The following SORL1 variants were observed in gnomAD, a reference collection of about 807,000 sequenced individuals.
SORL1 encodes the protein sortilin related receptor 1, also known as sortilin-related receptor.
SORL1 carries 127 observed loss-of-function variants against 273.7 expected under a neutral mutation model. That is an observed-to-expected ratio of 0.46 (90% CI 0.40 to 0.54). The LOEUF (loss-of-function observed/expected upper bound fraction) is 0.54, where lower values mean the gene tolerates loss of function less well. Ranked by LOEUF, SORL1 falls within the 20% of genes least tolerant of loss-of-function variation. SORL1 has a pLI of 0.00. For missense variants in SORL1, 2,494 were observed against 2,846.1 expected, an observed-to-expected ratio of 0.88 and a Z score of 2.81; for synonymous variants, 1,031 against 1,067.4, an observed-to-expected ratio of 0.97 and a Z score of 0.66.
intron 3 of SORL1, among the ~76,000 whole-genome samples, chr11:121,486,056 G>C (rs1026650830): frequency 6.6e-6 from 1 of 152,186 alleles, no homozygotes; most frequent in African/African-American, 2.4e-5. Flanking sequence ...CCACACCGAG[G>C]CTGTGGCACT....
chr11:121,467,155 G>A (rs950547989), intron 1 of SORL1, among the ~76,000 whole-genome samples: 26 of 150,708 alleles, frequency 1.7e-4, no homozygotes, highest in Non-Finnish European at 1.5e-4. Context: ...TCAGCCTGCC[G>A]AGTAGCTGGG....
At chr11:121,620,530 T>C (rs1863708006) in intron 43 of SORL1, among the ~76,000 whole-genome samples, 1 of 152,152 alleles carries the variant, frequency 6.6e-6, no homozygotes, top group Non-Finnish European at 1.5e-5. Context: ...TTAAAATGCT[T>C]GGTTGCTAAT....
rs1312797326 is a variant in SORL1, at chr11:121,632,117, C to G, written c.*2554C>G. 2 of 152,194 alleles carry G rather than the reference C, an allele frequency of 1.3e-5. No individual in the cohort carries two copies. 9.4% of individuals were successfully genotyped at this position (152,194 alleles called of 1,614,324 possible). A position where few individuals can be genotyped will look rare whatever the true frequency, so the allele number is the denominator to read the frequency against. On this transcript the variant is annotated 3_prime_UTR_variant, in exon 48 of 48. Transcript: ENST00000260197. The stretch of plus-strand genomic sequence containing the variant: ...TTTTGTACCTTGTTGGAGATGCCAC[C>G]TCAGAAGTTCACACTGTGCAGGAAA...
intron 1 of SORL1, among the ~76,000 whole-genome samples, chr11:121,459,687 C>T (rs1421274943): frequency 9.2e-5 from 14 of 152,224 alleles, no homozygotes. Context: ...AGCGCAGACC[C>T]TGCACGTTCT....
rs1862884931 is a variant in SORL1, at chr11:121,573,919, G to A, written c.3338-322G>A. Among the ~76,000 whole-genome samples the A allele has an allele frequency of 2.0e-5, 3 of 152,146 alleles. No individual in the cohort carries two copies. In the South Asian group the frequency reaches 6.2e-4, roughly 31 times the overall value. Reference sequence around the variant, plus strand: ...AAAGGTATTTCTGTCACTTATTTAGGAAGACACTTTTCGCGTCTGAAGGGA... The same window carrying A: ...AAAGGTATTTCTGTCACTTATTTAGAAAGACACTTTTCGCGTCTGAAGGGA... On this transcript the variant is annotated intron_variant, in intron 23 of 47. Coordinates refer to ENST00000260197, the MANE Select transcript of SORL1 (RefSeq NM_003105.6).
At chr11:121,544,413 A>T (rs1158977457) in intron 13 of SORL1, among the ~76,000 whole-genome samples, 1 of 152,214 alleles carries the variant, frequency 6.6e-6, no homozygotes, top group Non-Finnish European at 1.5e-5. Flanking sequence ...AAGTGTATGC[A>T]TAACTTTGTG....
intron 6 of SORL1, among the ~76,000 whole-genome samples, chr11:121,511,390 A>G (rs1861875424): frequency 6.6e-6 from 1 of 152,208 alleles, no homozygotes; most frequent in Admixed American, 6.5e-5. Context: ...AAAAATGTAT[A>G]TTTCATTGAT....
chr11:121,632,455 C>G lies in SORL1; in HGVS notation c.*2892C>G, dbSNP rs1031962580. 3.3e-5 allele frequency: 5 copies of G among 152,010 alleles called. No homozygotes were observed. Among genetic ancestry groups the G allele is most frequent in the African/African-American group, 1.2e-4 (5 of 41,368 alleles). 9.4% of individuals were successfully genotyped at this position (152,010 alleles called of 1,614,324 possible). A position where few individuals can be genotyped will look rare whatever the true frequency, so the allele number is the denominator to read the frequency against. On this transcript the variant is annotated 3_prime_UTR_variant, in exon 48 of 48. Coordinates refer to ENST00000260197, the MANE Select transcript of SORL1 (RefSeq NM_003105.6). ...ACAAGCTGGGTAAATAGTTATCATT[C>G]TGGGTAACTGGTTGAAACTCTGACT...
At position 121,625,207 on chromosome 11, in the gene SORL1, A is replaced by G. The variant is rs961628050; in HGVS notation, c.6294A>G (p.Gln2098=). The change falls in exon 46 of 48, where the codon CAA becomes CAG. Residue 2098 remains glutamine (Q), a synonymous_variant. Coordinates refer to ENST00000260197, the MANE Select transcript of SORL1 (RefSeq NM_003105.6). ...KMGHNYTFTV[Q]ARCLFGNQIC... ...GTCATAATTACACGTTCACCGTCCA[A>G]GCAAGATGCCTTTTTGGCAACCAGA... 15 of 1,614,162 alleles carry G rather than the reference A, an allele frequency of 9.3e-6. No individual in the cohort carries two copies. The highest frequency in any genetic ancestry group is 1.7e-5 in the Admixed American group (1 of 60,026).
Position 121,462,218 on chromosome 11 carries a change from C to T in SORL1, c.286-7789C>T, listed in dbSNP as rs1861010873. On this transcript the variant is annotated intron_variant, in intron 1 of 47. Coordinates refer to ENST00000260197, the MANE Select transcript of SORL1 (RefSeq NM_003105.6). ...TTTTGCAGTACTTTTTTTTCTCCAC[C>T]TTTAAAACCTGGAGATCTCACATAA... is the stretch of plus-strand genomic sequence containing the variant. Among the ~76,000 whole-genome samples the T allele has an allele frequency of 2.0e-5, 3 of 152,090 alleles. No homozygotes were observed. The South Asian group carries it at 6.2e-4, about 32-fold the overall frequency.
rs1036657671 is a variant in SORL1, at chr11:121,596,251, C to T, written c.4519+479C>T. Among the ~76,000 whole-genome samples, 8 of 152,080 alleles carry T rather than the reference C, an allele frequency of 5.3e-5. No homozygotes were observed. The highest frequency in any genetic ancestry group is 1.4e-4 in the African/African-American group (6 of 41,398). On this transcript the variant is annotated intron_variant, in intron 32 of 47. Coordinates refer to ENST00000260197, the MANE Select transcript of SORL1 (RefSeq NM_003105.6). This position sits in a 1 kb window ranked among gnomAD's most constrained non-coding sequence, Gnocchi z 4.3. ...AATTATGGTTGGTGAGATAGTGTGC[C>T]GAGCCACATGGGGAATAATCACAGG... is the stretch of plus-strand genomic sequence containing the variant.
intron 1 of SORL1, among the ~76,000 whole-genome samples, chr11:121,457,327 G>A (rs988285548): frequency 6.6e-6 from 1 of 152,184 alleles, no homozygotes; most frequent in South Asian, 2.1e-4. Context: ...TTGTACAAAA[G>A]CGTATGTGGT....
At chr11:121,505,008 T>C (rs753244643) in intron 6 of SORL1, among the ~76,000 whole-genome samples, 4 of 152,190 alleles carry the variant, frequency 2.6e-5, no homozygotes, top group Non-Finnish European at 4.4e-5. Context: ...CTGATGGATC[T>C]TTCTCATATG....
chr11:121,576,285 T>C (rs1007997768), intron 24 of SORL1, among the ~76,000 whole-genome samples: 1 of 152,212 alleles, frequency 6.6e-6, no homozygotes, highest in African/African-American at 2.4e-5. Context: ...TCCTCATAGA[T>C]GGTACCTTCA....
intron 3 of SORL1, among the ~76,000 whole-genome samples, chr11:121,483,811 T>C (rs1861432153): frequency 6.6e-6 from 1 of 152,078 alleles, no homozygotes; most frequent in Non-Finnish European, 1.5e-5. Flanking sequence ...TGTGCTCAAG[T>C]GATGAATGTA....
chr11:121,621,629 T>A (rs2134949092), intron 44 of SORL1, among the ~76,000 whole-genome samples: 1 of 152,258 alleles, frequency 6.6e-6, no homozygotes, highest in South Asian at 2.1e-4. Context: ...CAATCTGACA[T>A]GTTGAAATGG....
At chr11:121,478,402 A>G (rs11218304) in intron 3 of SORL1, among the ~76,000 whole-genome samples, 159 bp downstream of exon 3, 46,239 of 152,064 alleles carry the variant, frequency 0.3, 8,045 homozygotes, top group Middle Eastern at 0.45. Flanking sequence ...TTTGTGACAG[A>G]CTGCTGTTCT....
At position 121,633,374 on chromosome 11, in the gene SORL1, C is replaced by T. The variant is rs1863901839; in HGVS notation, c.*3811C>T. On this transcript the variant is annotated 3_prime_UTR_variant, in exon 48 of 48. Transcript: ENST00000260197. ...ATGAATGCTGGAGTGGACCATTATCCTCAAATATTCTATGTCACTTCTCAT... is the reference window on the plus strand; with the variant it reads ...ATGAATGCTGGAGTGGACCATTATCTTCAAATATTCTATGTCACTTCTCAT... The T allele has an allele frequency of 6.6e-6, 1 of 152,142 alleles. No homozygotes were observed. Among genetic ancestry groups the T allele is most frequent in the Non-Finnish European group, 1.5e-5 (1 of 68,020 alleles). 9.4% of individuals were successfully genotyped at this position (152,142 alleles called of 1,614,324 possible).
chr11:121,617,750 A>C (rs1045218669), intron 41 of SORL1, among the ~76,000 whole-genome samples: 19 of 152,188 alleles, frequency 1.2e-4, no homozygotes, highest in African/African-American at 4.6e-4. Flanking sequence ...CTCGGCTTCC[A>C]CTTTCTGCTG....
Sources: gnomAD v4.1 joint callset for allele counts (sites outside exome capture counted in the v4.1 genomes callset) on GRCh38, gnomAD v4.1.1 for gene constraint, Gnocchi (gnomAD v3.1) non-coding constraint, MANE v1.5 for transcripts, NCBI Gene and HGNC (gene_info 2026-07-23, HGNC 2026-07-21) for gene names.